Variants in GEMIN5 observed in about 807,000 individuals in gnomAD.
GEMIN5 encodes gem-associated protein 5.
A neutral mutation model predicts 176.9 loss-of-function variants in GEMIN5; 124 were observed. The ratio of observed to expected loss-of-function variants is 0.70; its 90% CI spans 0.61 to 0.81. The LOEUF (loss-of-function observed/expected upper bound fraction) is 0.81. Among genes scored for constraint, GEMIN5 ranks in the 40% least tolerant of loss-of-function variants. The pLI is 0.00. For missense variants in GEMIN5, 1,843 were observed against 1,814.6 expected, an observed-to-expected ratio of 1.02 and a Z score of -0.28; for synonymous variants, 673 against 665.2, an observed-to-expected ratio of 1.01 and a Z score of -0.18.
rs1763485998 is a variant in GEMIN5 at position 154,902,519 on chromosome 5, C to T, written c.2866+20G>A. On this transcript the variant is annotated intron_variant, in intron 20 of 27. Transcript: ENST00000285873. ...ATGATAGAGCTTTTGTTGAAAAGAA[C>T]AAACAAACAAAAACCATACCTGCTG... 1 of 1,612,334 alleles carries T rather than the reference C, an allele frequency of 6.2e-7. No individual in the cohort carries two copies. Among genetic ancestry groups the T allele is most frequent in the Non-Finnish European group, 8.5e-7 (1 of 1,178,950 alleles).
chr5:154,927,528 G>T lies in GEMIN5; in HGVS notation c.937C>A (p.Leu313Ile). The T allele has an allele frequency of 2.5e-6, 4 of 1,608,538 alleles. No homozygotes were observed. The highest frequency in any genetic ancestry group is 3.4e-6 in the Non-Finnish European group (4 of 1,175,496). Residue 313 changes from leucine to isoleucine, a missense_variant, in exon 7 of 28, where the codon CTC becomes ATC. Leu to Ile is a conservative substitution (Grantham distance 5, BLOSUM62 2). Transcript: ENST00000285873. ...TATTTCCGTCTCCAAGATTGAGTGA[G>T]ATCCCATTGCAACAGTTCACCTCTG... ...CFGGELLQWD[L>I]TQSWRRKYTL...
Position 154,905,425 on chromosome 5 carries a change from G to A in GEMIN5, c.2447C>T (p.Ser816Leu). The change falls in exon 17 of 28, where the codon TCA becomes TTA. Residue 816 changes from serine to leucine, a missense_variant. Physicochemically the swap from Ser to Leu is moderately radical, Grantham distance 145. Transcript: ENST00000285873. Reference protein sequence around the residue: ...CTPVSSGFEKSKVTINNKVIL... With the variant: ...CTPVSSGFEKLKVTINNKVIL... ...GACTTTGTTATTAATGGTGACTTTTGACTTTTCAAAGCCTGAGGAAACTGG... is the reference window on the plus strand; with the variant it reads ...GACTTTGTTATTAATGGTGACTTTTAACTTTTCAAAGCCTGAGGAAACTGG... The A allele has an allele frequency of 6.2e-7, 1 of 1,609,050 alleles. No homozygotes were observed. The highest frequency in any genetic ancestry group is 8.5e-7 in the Non-Finnish European group (1 of 1,177,078).
chr5:154,926,801 T>C (rs1262819559), intron 7 of GEMIN5, among the ~76,000 whole-genome samples: 1 of 152,090 alleles, frequency 6.6e-6, no homozygotes, highest in Non-Finnish European at 1.5e-5. Flanking sequence ...ATCCCAGCAC[T>C]TTGGGAGGCT....
intron 15 of GEMIN5, among the ~76,000 whole-genome samples, chr5:154,908,494 T>G (rs772391640): frequency 5.3e-5 from 8 of 152,160 alleles, no homozygotes; most frequent in Non-Finnish European, 1.0e-4. Context: ...CCAGATGTCT[T>G]TTATAGCAAA....
intron 15 of GEMIN5, among the ~76,000 whole-genome samples, chr5:154,908,956 CT>C (rs1561717173): frequency 6.6e-6 from 1 of 151,710 alleles, no homozygotes; most frequent in Non-Finnish European, 1.5e-5. Flanking sequence ...TTTGTTTTTT[CT>C]TTTTTTCTCT....
chr5:154,908,171 CCTTTTTTTTTTTT>C (rs1763612425), intron 15 of GEMIN5, among the ~76,000 whole-genome samples: 2 of 88,698 alleles, frequency 2.3e-5, no homozygotes, highest in South Asian at 9.9e-4. Context: ...ACCCAGATGT[CCTTTTTTTTTTTT>C]TTTTTTTTTT....
Position 154,928,756 on chromosome 5 carries a change from G to A in GEMIN5, c.782-97C>T, listed in dbSNP as rs972834155. The A allele has an allele frequency of 1.1e-5, 11 of 1,026,654 alleles. No homozygotes were observed. The Middle Eastern group carries it at 1.5e-3, about 141-fold the overall frequency. 63.6% of individuals were successfully genotyped at this position (1,026,654 alleles called of 1,614,324 possible). ...ATAACACACAGTCTGCGCTGTAAAA[G>A]CTTGTTAGTTTGGCTACTTAGAATT... is the stretch of plus-strand genomic sequence containing the variant. On this transcript the variant is annotated intron_variant, in intron 5 of 27. Transcript: ENST00000285873.
At chr5:154,918,276 A>T (rs1244931238) in intron 11 of GEMIN5, among the ~76,000 whole-genome samples, 3 of 152,238 alleles carry the variant, frequency 2.0e-5, no homozygotes, top group Admixed American at 2.0e-4. Flanking sequence ...TATATACTTA[A>T]TTAAACTGAT....
rs975287494 is a variant in GEMIN5 at position 154,911,864 on chromosome 5, T to C, written c.2030A>G (p.Asn677Ser). The C allele has an allele frequency of 6.2e-7, 1 of 1,614,070 alleles. No homozygotes were observed. Residue 677 changes from asparagine (N) to serine (S), a missense_variant, in exon 15 of 28, where the codon AAT becomes AGT. By Grantham distance (46) the Asn-to-Ser change is conservative. Coordinates refer to ENST00000285873, the MANE Select transcript of GEMIN5 (RefSeq NM_015465.5). The part of the protein sequence containing the change: ...WDALREEPLC[N>S]FRGHRGRLLC... ...CAGTCGACCTCGATGTCCTCGGAAA[T>C]TGCACAGGGGCTCTTCCCGGAGAGC...
chr5:154,912,748 G>C, intron 14 of GEMIN5, 151 bp downstream of exon 14: 3 of 608,002 alleles, frequency 4.9e-6, no homozygotes, highest in East Asian at 5.9e-5. Flanking sequence ...TATGTGGAAT[G>C]AAACTAAAAT....
rs141353470 is a variant in GEMIN5, at chr5:154,898,386, A to G, written c.3345+54T>C. The G allele has an allele frequency of 1.8e-3, 2,701 of 1,478,940 alleles. 47 individuals carry two copies. The African/African-American group carries it at 0.033, about 18-fold the overall frequency. The allele number at this position is 1,478,940 out of a possible 1,614,324, so 91.6% of individuals were successfully genotyped here. ...GTTATTAACTTGGATTTGACTAGAA[A>G]AGGATTTGGGACACTTCCCTCTTGT... On this transcript the variant is annotated intron_variant, in intron 23 of 27. Transcript: ENST00000285873.
intron 3 of GEMIN5, among the ~76,000 whole-genome samples, 195 bp from the exon 4 acceptor site, chr5:154,932,445 T>C (rs1764189078): frequency 6.6e-6 from 1 of 152,200 alleles, no homozygotes. Flanking sequence ...CCTCCTGGTT[T>C]TGTTAAAACC....
chr5:154,919,325 C>CTA (rs1165551510), intron 11 of GEMIN5, among the ~76,000 whole-genome samples: 3 of 152,048 alleles, frequency 2.0e-5, no homozygotes, highest in African/African-American at 7.2e-5. Flanking sequence ...GAGTGAGACT[C>CTA]TGTCACACAC....
At chr5:154,937,515 T>C (rs957847174) in intron 1 of GEMIN5, among the ~76,000 whole-genome samples, 3 of 152,232 alleles carry the variant, frequency 2.0e-5, no homozygotes, top group Non-Finnish European at 4.4e-5. Context: ...ACCTGGCATG[T>C]CATATCCTAA....
intron 17 of GEMIN5, 85 bp downstream of exon 17, chr5:154,905,278 A>G: frequency 3.3e-6 from 2 of 598,024 alleles, no homozygotes; most frequent in East Asian, 5.9e-5. Context: ...AAGAAACCAC[A>G]CTGTTTTTTG....
intron 13 of GEMIN5, among the ~76,000 whole-genome samples, chr5:154,913,835 A>G (rs1280673823): frequency 6.6e-6 from 1 of 151,920 alleles, no homozygotes; most frequent in Non-Finnish European, 1.5e-5. Context: ...AGGAAAACAC[A>G]AAAAACAAAA....
chr5:154,898,700 TC>T, intron 22 of GEMIN5, 50 bp from the exon 23 acceptor site: 1 of 1,377,044 alleles, frequency 7.3e-7, no homozygotes, highest in Non-Finnish European at 1.0e-6. Flanking sequence ...AGATTTTTAT[TC>T]CCATTCCTAG....
chr5:154,931,818 C>A, intron 4 of GEMIN5: 1 of 491,572 alleles, frequency 2.0e-6, no homozygotes, highest in South Asian at 2.6e-5. Flanking sequence ...AGTTCAAGAC[C>A]AGCCTGACCA....
At chr5:154,930,362 T>C (rs1275112148) in intron 5 of GEMIN5, among the ~76,000 whole-genome samples, 2 of 152,254 alleles carry the variant, frequency 1.3e-5, no homozygotes, top group African/African-American at 2.4e-5. Flanking sequence ...CACCCTTCTA[T>C]AGAAGTACAT....
Sources: gnomAD v4.1 joint callset for allele counts (sites outside exome capture counted in the v4.1 genomes callset) on GRCh38, gnomAD v4.1.1 for gene constraint, MANE v1.5 for transcripts, NCBI Gene and HGNC (gene_info 2026-07-23, HGNC 2026-07-21) for gene names.